Variants in NOC2L observed in about 807,000 individuals in gnomAD.
NOC2L encodes the protein nucleolar complex protein 2 homolog.
In NOC2L, 101 loss-of-function variants were observed where a neutral mutation model predicts 94.2. That is an observed-to-expected ratio of 1.07 (90% CI 0.91 to 1.26). NOC2L has a LOEUF of 1.26. Ranked by LOEUF, NOC2L falls within the 50% of genes most tolerant of loss-of-function variation. NOC2L has a pLI of 0.00. For synonymous variants in NOC2L, 531 were observed against 413.4 expected (o/e 1.28, Z -3.45); for missense variants, 1,076 against 980.1 (o/e 1.10, Z -1.31).
chr1:959,126 C>A, intron 1 of NOC2L, 45 bp from the exon 2 acceptor site: 1 of 1,611,430 alleles, frequency 6.2e-7, no homozygotes, highest in East Asian at 2.2e-5. Context: ...GCCCAGCTCG[C>A]CCCAGCCCCG....
intron 12 of NOC2L, among the ~76,000 whole-genome samples, chr1:950,180 G>A (rs1318613531): frequency 7.0e-6 from 1 of 143,528 alleles, no homozygotes; most frequent in Non-Finnish European, 1.5e-5. Context: ...AGACGTGCAT[G>A]CATGCACCCA....
At chr1:946,321 C>G in intron 15 of NOC2L, 35 bp from the exon 16 acceptor site, 1 of 1,611,722 alleles carries the variant, frequency 6.2e-7, no homozygotes, top group Non-Finnish European at 8.5e-7. Flanking sequence ...TCATGCCTCA[C>G]CCTGGGCAAA....
At position 945,057 on chromosome 1, in the gene NOC2L, C is replaced by T. The variant is rs988839199; in HGVS notation, c.2143G>A (p.Asp715Asn). ...ACCCTCTCACCCCAAGACCATTCAC[C>T]CTCCGAGTTGCTGCTGTCCTCCTCG... is the stretch of plus-strand genomic sequence containing the variant. Reference protein sequence around the residue: ...EGEEDSSNSEDGDPDAEAGLA... With the variant: ...EGEEDSSNSENGDPDAEAGLA... The change falls in exon 18 of 19, where the codon GAT becomes AAT. Residue 715 changes from aspartate (D) to asparagine (N), a missense_variant and splice_region_variant. Asp to Asn is a conservative substitution (Grantham distance 23). This residue lies in a region of NOC2L where 615 missense variants were observed against 577.4 expected (regional missense o/e 1.07). Coordinates refer to ENST00000327044, the MANE Select transcript of NOC2L (RefSeq NM_015658.4). 4 of 1,614,186 alleles carry T rather than the reference C, an allele frequency of 2.5e-6. No homozygotes were observed. The highest frequency in any genetic ancestry group is 2.2e-5 in the East Asian group (1 of 44,886).
At chr1:948,370 T>G in intron 13 of NOC2L, 120 bp downstream of exon 13, 2 of 1,039,706 alleles carry the variant, frequency 1.9e-6, no homozygotes, top group Non-Finnish European at 2.9e-6. Flanking sequence ...GCCCCAGCCC[T>G]GGGAGACCAT....
chr1:956,200 T>C lies in NOC2L; in HGVS notation c.502A>G (p.Lys168Glu). The part of the protein sequence containing the change: ...KQAAKQRLTP[K>E]LFHEVVQAFR... The stretch of plus-strand genomic sequence containing the variant: ...GCCTGTACCACTTCATGGAACAGCT[T>C]TGGAGTGAGGCGTTGCTGAAGGAGC... Residue 168 changes from lysine to glutamate, a missense_variant, in exon 5 of 19, where the codon AAG (lysine) becomes GAG (glutamate). By Grantham distance (56) the Lys-to-Glu change is moderately conservative. Around this residue, in one of 3 missense-constraint regions of NOC2L, gnomAD observed 457 missense variants for 386.0 expected, o/e 1.18. Transcript: ENST00000327044. 6.2e-7 allele frequency: 1 copy of C among 1,613,556 alleles called. No individual in the cohort carries two copies. Among genetic ancestry groups the C allele is most frequent in the Non-Finnish European group, 8.5e-7 (1 of 1,179,946 alleles).
At chr1:949,496 C>T (rs1247860826) in intron 12 of NOC2L, among the ~76,000 whole-genome samples, 1 of 152,232 alleles carries the variant, frequency 6.6e-6, no homozygotes, top group African/African-American at 2.4e-5. Context: ...GCACGGCCTA[C>T]AGCTGAGGGC....
chr1:952,630 G>C, intron 9 of NOC2L, 30 bp from the exon 10 acceptor site: 2 of 1,611,176 alleles, frequency 1.2e-6, no homozygotes, highest in Non-Finnish European at 8.5e-7. Flanking sequence ...AGAGCCACCT[G>C]GGATCAGGGC....
At chr1:957,380 G>A in intron 2 of NOC2L, 107 bp from the exon 3 acceptor site, 1 of 1,102,764 alleles carries the variant, frequency 9.1e-7, no homozygotes, top group Non-Finnish European at 1.3e-6. Context: ...CAACTAGCAA[G>A]ACAGGATTGC....
At chr1:946,839 C>T (rs1026415156) in intron 14 of NOC2L, 1 of 285,360 alleles carries the variant, frequency 3.5e-6, no homozygotes, top group African/African-American at 2.2e-5. Context: ...GGGTGGATCA[C>T]CTGAGGTCAG....
Position 946,618 on chromosome 1 carries a change from A to G in NOC2L, c.1660-73T>C, listed in dbSNP as rs531417864. The G allele has an allele frequency of 5.1e-6, 8 of 1,558,164 alleles. No individual in the cohort carries two copies. In the South Asian group the frequency reaches 9.5e-5, roughly 18 times the overall value. ...GCACAGCTGGCCCAGGTCCTGTGCA[A>G]AACCACGCGTGGTGGCCACGGGGAT... On this transcript the variant is annotated intron_variant, in intron 14 of 18. Transcript: ENST00000327044.
In NOC2L at chr1:944,396, C is replaced by A. The variant is rs1642022107; in HGVS notation, c.*298G>T. 8.0e-7 allele frequency: 1 copy of A among 1,250,116 alleles called. No homozygotes were observed. Among genetic ancestry groups the A allele is most frequent in the Admixed American group, 3.7e-5 (1 of 27,394 alleles). 77.4% of individuals were successfully genotyped at this position (1,250,116 alleles called of 1,614,324 possible). On this transcript the variant is annotated 3_prime_UTR_variant, in exon 19 of 19. Transcript: ENST00000327044. The stretch of plus-strand genomic sequence containing the variant: ...AGAGGTGGTGGAAGGGGCCAGGGGC[C>A]TGCAGGCCTCCCCCTGGAACTGGGA...
At chr1:957,313 A>C (rs756130019) in intron 2 of NOC2L, 40 bp from the exon 3 acceptor site, 4 of 1,604,452 alleles carry the variant, frequency 2.5e-6, no homozygotes, top group Non-Finnish European at 3.4e-6. Flanking sequence ...GGGAAGTGGA[A>C]GTAGAGGGGG....
Position 956,938 on chromosome 1 carries a change from G to C in NOC2L, c.442C>G (p.Pro148Ala), listed in dbSNP as rs376538715. 2 of 1,613,972 alleles carry C rather than the reference G, an allele frequency of 1.2e-6. No homozygotes were observed. The highest frequency in any genetic ancestry group is 2.2e-5 in the East Asian group (1 of 44,900). Residue 148 changes from proline to alanine, a missense_variant, in exon 4 of 19, where the codon CCT becomes GCT. Pro to Ala is a conservative substitution (Grantham distance 27). This residue lies in a region of NOC2L where 457 missense variants were observed against 386.0 expected (regional missense o/e 1.18). Transcript: ENST00000327044. ...RGLKGKKNSV[P>A]VTVAMVERWK... ...CTCTCAACCATGGCGACGGTCACAG[G>C]AACAGAATTCTTCTTCCCCTTCAGC...
At chr1:948,442 C>T (rs201792380) in intron 13 of NOC2L, 48 bp downstream of exon 13, 2 of 1,418,186 alleles carry the variant, frequency 1.4e-6, no homozygotes, top group African/African-American at 1.4e-5. Flanking sequence ...GCACCCCCAA[C>T]CCCACCCTGG....
intron 11 of NOC2L, 78 bp downstream of exon 11, chr1:951,922 A>C: frequency 1.3e-6 from 2 of 1,512,706 alleles, no homozygotes; most frequent in Non-Finnish European, 1.8e-6. Flanking sequence ...CCTGAACGCC[A>C]GAGGCACCGC....
intron 18 of NOC2L, 70 bp downstream of exon 18, chr1:944,987 G>C: frequency 6.2e-7 from 1 of 1,605,444 alleles, no homozygotes; most frequent in Non-Finnish European, 8.5e-7. Context: ...CACGCCCCCC[G>C]CCCACGTGGC....
intron 3 of NOC2L, 34 bp from the exon 4 acceptor site, chr1:957,059 G>A (rs1642424109): frequency 1.2e-6 from 2 of 1,613,914 alleles, no homozygotes; most frequent in African/African-American, 1.3e-5. Flanking sequence ...GGAGAGTGTA[G>A]AGACAAGTGC....
At chr1:955,052 G>A (rs919261931) in intron 6 of NOC2L, among the ~76,000 whole-genome samples, 3 of 152,208 alleles carry the variant, frequency 2.0e-5, no homozygotes, top group Non-Finnish European at 2.9e-5. Context: ...TGCTCCCCAC[G>A]GCCTGACTCC....
chr1:956,051 G>A (rs566728618), intron 5 of NOC2L, 38 bp from the exon 6 acceptor site: 1 of 1,614,088 alleles, frequency 6.2e-7, no homozygotes, highest in African/African-American at 1.3e-5. Flanking sequence ...ACGGGACAGA[G>A]AACGCAACAG....
Sources: gnomAD v4.1 joint callset for allele counts (sites outside exome capture counted in the v4.1 genomes callset) on GRCh38, gnomAD v4.1.1 for gene constraint, gnomAD v4.1.1 regional missense constraint, MANE v1.5 for transcripts, NCBI Gene and HGNC (gene_info 2026-07-23, HGNC 2026-07-21) for gene names.